DNAH5: variants seen among roughly 807,000 people sequenced by gnomAD.
DNAH5 encodes the protein axonemal beta dynein heavy chain 5.
A neutral mutation model predicts 518.2 loss-of-function variants in DNAH5; 372 were observed. The ratio of observed to expected loss-of-function variants is 0.72; its 90% CI spans 0.66 to 0.78. DNAH5 has a LOEUF of 0.78. Among genes scored for constraint, DNAH5 ranks in the 30% least tolerant of loss-of-function variants. The pLI is 0.00. For synonymous variants in DNAH5, 2,039 were observed against 2,025.9 expected (o/e 1.01, Z -0.17); for missense variants, 5,523 against 5,687.0 (o/e 0.97, Z 0.93).
Position 13,810,150 on chromosome 5 carries a change from G to A in DNAH5, c.7518C>T (p.Leu2506=), listed in dbSNP as rs1363845512. 6.5e-7 allele frequency: 1 copy of A among 1,548,708 alleles called. No homozygotes were observed. The highest frequency in any genetic ancestry group is 8.7e-7 in the Non-Finnish European group (1 of 1,145,928). The change falls in exon 45 of 79, where the codon CTC becomes CTT. Residue 2506 remains leucine (L), a synonymous_variant. Transcript: ENST00000265104. ...TCCCTGTGGGCCGAGAGCGCAGCCAGAGCTCCAGGCGGCGCCGTCCGTCCA... is the reference window on the plus strand; with the variant it reads ...TCCCTGTGGGCCGAGAGCGCAGCCAAAGCTCCAGGCGGCGCCGTCCGTCCA... ...LELDGRRRLE[L]WLRSRPTGTL... is the part of the protein sequence containing the mutation.
At chr5:13,940,997 G>C (rs1779407323) in intron 1 of DNAH5, among the ~76,000 whole-genome samples, 1 of 152,192 alleles carries the variant, frequency 6.6e-6, no homozygotes, top group Non-Finnish European at 1.5e-5. Flanking sequence ...TCTAGCTATG[G>C]CATGATAATG....
intron 15 of DNAH5, chr5:13,898,598 A>G (rs1315956165): frequency 2.5e-6 from 1 of 398,498 alleles, no homozygotes; most frequent in Non-Finnish European, 4.4e-6. Flanking sequence ...CCTTTGCTAA[A>G]TCTTTTAACT....
intron 75 of DNAH5, among the ~76,000 whole-genome samples, chr5:13,712,124 C>T (rs188871343): frequency 2.0e-3 from 302 of 152,238 alleles, no homozygotes; most frequent in Admixed American, 4.6e-3. Flanking sequence ...AAAATAGGCA[C>T]ATAGACCAAC....
chr5:13,858,232 G>C (rs988667034), intron 30 of DNAH5, among the ~76,000 whole-genome samples: 3 of 152,126 alleles, frequency 2.0e-5, no homozygotes, highest in Non-Finnish European at 4.4e-5. Flanking sequence ...GGAATACTAT[G>C]CAGCCACAAA....
chr5:13,859,791 C>CT (rs1768137274), intron 29 of DNAH5, among the ~76,000 whole-genome samples, 186 bp from the exon 30 acceptor site: 1 of 152,134 alleles, frequency 6.6e-6, no homozygotes, highest in East Asian at 1.9e-4. Context: ...GTTAGTCTAG[C>CT]TTTTTCCCTT....
At chr5:13,735,002 A>G (rs1034985823) in intron 68 of DNAH5, 129 bp downstream of exon 68, 31 of 815,808 alleles carry the variant, frequency 3.8e-5, no homozygotes, top group Non-Finnish European at 5.5e-5. Context: ...AACAAATAAA[A>G]TATCTCATCT....
chr5:13,986,672 T>C (rs1333294781), intron 1 of DNAH5, among the ~76,000 whole-genome samples: 2 of 152,186 alleles, frequency 1.3e-5, no homozygotes, highest in Non-Finnish European at 2.9e-5. Context: ...AGACCTGGCA[T>C]CATCACTACC....
intron 47 of DNAH5, among the ~76,000 whole-genome samples, chr5:13,801,496 A>C (rs1758742537): frequency 6.6e-6 from 1 of 152,182 alleles, no homozygotes; most frequent in Non-Finnish European, 1.5e-5. Context: ...ACCAATCACA[A>C]GTTCTGGTAG....
intron 71 of DNAH5, among the ~76,000 whole-genome samples, chr5:13,719,892 TG>T (rs1280759578): frequency 1.3e-5 from 2 of 152,204 alleles, no homozygotes; most frequent in Non-Finnish European, 2.9e-5. Context: ...CCATATATTT[TG>T]CCTGAATTAT....
chr5:13,877,100 G>A (rs901199005), intron 21 of DNAH5, among the ~76,000 whole-genome samples: 1 of 152,102 alleles, frequency 6.6e-6, no homozygotes, highest in Non-Finnish European at 1.5e-5. Context: ...TCCCACTGCC[G>A]CTCTCTGGCT....
chr5:13,792,363 T>C, intron 49 of DNAH5, 146 bp from the exon 50 acceptor site: 1 of 671,072 alleles, frequency 1.5e-6, no homozygotes, highest in Admixed American at 2.7e-5. Context: ...GTTAATGTTC[T>C]CTTGTTTTTT....
chr5:13,833,442 C>CAAAAA lies in DNAH5; in HGVS notation c.5883-2672_5883-2668dup, dbSNP rs59325595. ...CAACAGAGTGAGTGAGACTCCTTCCCAAAAAAAAAAAAAAAGTGTTATCAG... is the reference window on the plus strand; with the variant it reads ...CAACAGAGTGAGTGAGACTCCTTCCCAAAAAAAAAAAAAAAAAAAAGTGTTATCAG... On this transcript the variant is annotated intron_variant, in intron 35 of 78. Coordinates refer to ENST00000265104, the MANE Select transcript of DNAH5 (RefSeq NM_001369.3). Among the ~76,000 whole-genome samples the CAAAAA allele has an allele frequency of 2.6e-3, 309 of 119,418 alleles. 3 individuals carry two copies. The highest frequency in any genetic ancestry group is 4.8e-3 in the Middle Eastern group (1 of 208). 78.3% of individuals were successfully genotyped at this position (119,418 alleles called of 152,430 possible). A position where few individuals can be genotyped will look rare whatever the true frequency, so the allele number is the denominator to read the frequency against.
chr5:13,699,733 T>A (rs569852453), intron 78 of DNAH5, among the ~76,000 whole-genome samples: 1 of 152,280 alleles, frequency 6.6e-6, no homozygotes, highest in East Asian at 1.9e-4. Flanking sequence ...AATAAATAAA[T>A]ACTTGTAGTT....
At chr5:13,704,859 G>A (rs999221521) in intron 76 of DNAH5, among the ~76,000 whole-genome samples, 1 of 152,196 alleles carries the variant, frequency 6.6e-6, no homozygotes, top group Non-Finnish European at 1.5e-5. Flanking sequence ...GGTTACCAGA[G>A]ACTAGAGGGT....
intron 21 of DNAH5, among the ~76,000 whole-genome samples, chr5:13,881,896 G>A (rs1213123593): frequency 6.6e-6 from 1 of 151,942 alleles, no homozygotes; most frequent in African/African-American, 2.4e-5. Context: ...CAAAAAGTTG[G>A]TTTTCTGAAA....
Position 13,695,474 on chromosome 5 carries a change from A to G in DNAH5, c.13724-3339T>C, listed in dbSNP as rs191807406. Among the ~76,000 whole-genome samples, 238 of 152,288 alleles carry G rather than the reference A, an allele frequency of 1.6e-3. 2 individuals carry two copies. Among genetic ancestry groups the G allele is most frequent in the African/African-American group, 5.4e-3 (223 of 41,560 alleles). Reference sequence around the variant, plus strand: ...TTGAGTTTAGCTGTCCTCATTTTCAAGTTTCATCCCAGGAACTACGAGGAC... The same window carrying G: ...TTGAGTTTAGCTGTCCTCATTTTCAGGTTTCATCCCAGGAACTACGAGGAC... On this transcript the variant is annotated intron_variant, in intron 78 of 78. Coordinates refer to ENST00000265104, the MANE Select transcript of DNAH5 (RefSeq NM_001369.3).
In DNAH5 at chr5:13,786,311, A is replaced by C. The variant is rs1309813133; in HGVS notation, c.8688T>G (p.Ile2896Met). The change falls in exon 52 of 79, where the codon ATT becomes ATG. Residue 2896 changes from isoleucine to methionine, a missense_variant. By Grantham distance (10) the Ile-to-Met change is conservative. This residue lies in a region of DNAH5 where 5,121 missense variants were observed against 5,223.3 expected (regional missense o/e 0.98). Transcript: ENST00000265104. The stretch of plus-strand genomic sequence containing the variant: ...GACTAAAAGATTCAATTGGCTCATA[A>C]ATTTTAGGTGTTTCAGCATCAGCCT... The part of the protein sequence containing the change: ...SEEADAETPK[I>M]YEPIESFSHL... 1 of 1,614,096 alleles carries C rather than the reference A, an allele frequency of 6.2e-7. No individual in the cohort carries two copies. The highest frequency in any genetic ancestry group is 1.7e-5 in the Admixed American group (1 of 59,998).
At chr5:13,908,883 C>T (rs916332496) in intron 12 of DNAH5, among the ~76,000 whole-genome samples, 5 of 152,260 alleles carry the variant, frequency 3.3e-5, no homozygotes, top group East Asian at 1.9e-4. Context: ...GACGCATCAC[C>T]GCCCTTACTC....
chr5:13,748,663 T>C (rs1185038197), intron 65 of DNAH5, among the ~76,000 whole-genome samples: 1 of 152,212 alleles, frequency 6.6e-6, no homozygotes, highest in Non-Finnish European at 1.5e-5. Flanking sequence ...AGTTCACTCA[T>C]GATTTGGCTC....
Sources: allele counts gnomAD v4.1 joint callset (sites outside exome capture counted in the v4.1 genomes callset), GRCh38; gene constraint gnomAD v4.1.1; regional missense constraint gnomAD v4.1.1; transcripts MANE v1.5; gene names NCBI Gene and HGNC (gene_info 2026-07-23, HGNC 2026-07-21).